The following ATP1A3 variants were observed in gnomAD, a reference collection of about 807,000 sequenced individuals.
The protein encoded by ATP1A3 is ATPase Na+/K+ transporting subunit alpha 3, also known as sodium/potassium-transporting ATPase subunit alpha-3.
A neutral mutation model predicts 108.8 loss-of-function variants in ATP1A3; 12 were observed. The observed-to-expected ratio is 0.11, with a 90% CI of 0.07 to 0.18. ATP1A3 has a LOEUF of 0.18. Ranked by LOEUF, ATP1A3 falls within the 10% of genes least tolerant of loss-of-function variation. The pLI is 1.00. For synonymous variants in ATP1A3, 539 were observed against 564.5 expected (o/e 0.95, Z 0.64); for missense variants, 498 against 1,387.7 (o/e 0.36, Z 10.19).
Position 41,968,133 on chromosome 19 carries a change from GCCAGGGGCA to G in ATP1A3, c.2820-379_2820-371del, listed in dbSNP as rs2075065242. ...AGAGGCACTGGTATAAAAAGAAAAG[GCCAGGGGCA>G]CCTCCACCACACACACAGAGGCTGA... On this transcript the variant is annotated intron_variant, in intron 20 of 22. Coordinates refer to ENST00000648268, the MANE Select transcript of ATP1A3 (RefSeq NM_152296.5). This position sits in a 1 kb window ranked among gnomAD's most constrained non-coding sequence, Gnocchi z 5.0. 6.6e-6 allele frequency among the ~76,000 whole-genome samples: 1 copy of G among 151,948 alleles called. No individual in the cohort carries two copies. The highest frequency in any genetic ancestry group is 6.6e-5 in the Admixed American group (1 of 15,230).
chr19:41,989,123 A>G (rs2075312798), intron 1 of ATP1A3, among the ~76,000 whole-genome samples: 1 of 148,326 alleles, frequency 6.7e-6, no homozygotes, highest in Non-Finnish European at 1.5e-5. Flanking sequence ...ATTTTTTTCT[A>G]GAAATGGGGT....
intron 8 of ATP1A3, among the ~76,000 whole-genome samples, chr19:41,983,357 C>T (rs368186122): frequency 6.6e-6 from 1 of 152,074 alleles, no homozygotes; most frequent in East Asian, 1.9e-4. Context: ...GGATTACAGG[C>T]GTGAGCCACC....
rs606231440 is a variant in ATP1A3 at position 41,970,299 on chromosome 19, T to C, written c.2428A>G (p.Ile810Val). 1.2e-6 allele frequency: 2 copies of C among 1,613,936 alleles called. No homozygotes were observed. Among genetic ancestry groups the C allele is most frequent in the Non-Finnish European group, 1.7e-6 (2 of 1,180,012 alleles). The change falls in exon 18 of 23, where the codon ATC becomes GTC. Residue 810 changes from isoleucine to valine, a missense_variant. Ile to Val is a conservative substitution (Grantham distance 29, BLOSUM62 3). Transcript: ENST00000648268. ...IDLGTDMVPA[I>V]SLAYEAAESD... ...TCGGCAGCCTCGTACGCCAGTGAGA[T>C]GGCAGGGACCTAGGCGGAGGAGGCC...
At chr19:41,986,072 A>T (rs1253793461) in intron 5 of ATP1A3, 44 bp downstream of exon 5, 34 of 1,614,074 alleles carry the variant, frequency 2.1e-5, no homozygotes, top group Non-Finnish European at 2.8e-5. Context: ...CCCCCAGCCC[A>T]TACACTAACA....
intron 1 of ATP1A3, chr19:41,993,320 A>G: frequency 6.9e-7 from 1 of 1,439,704 alleles, no homozygotes; most frequent in Non-Finnish European, 9.4e-7. Flanking sequence ...AGGCAAGGAC[A>G]CAGCCAGGCA....
chr19:41,991,002 G>T (rs1555867129), intron 1 of ATP1A3: 1 of 152,388 alleles, frequency 6.6e-6, no homozygotes. Flanking sequence ...CAGGTTCCTG[G>T]AGGACAGAGC....
At chr19:41,982,253 C>T in intron 8 of ATP1A3, 147 bp from the exon 9 acceptor site, 1 of 1,335,010 alleles carries the variant, frequency 7.5e-7, no homozygotes, top group Non-Finnish European at 1.1e-6. Flanking sequence ...AGCAATGCCA[C>T]CCCCAATTCA....
intron 1 of ATP1A3, among the ~76,000 whole-genome samples, chr19:41,990,082 T>C (rs1310953835): frequency 2.0e-5 from 3 of 152,198 alleles, no homozygotes; most frequent in Non-Finnish European, 2.9e-5. Flanking sequence ...TCTGTCTTTT[T>C]CCGTCTTTCG....
Position 41,981,692 on chromosome 19 carries a change from G to C in ATP1A3, c.1302+30C>G. ...ACAGCTGAGGGGAGGACACAGGCAG[G>C]GCCGAGGTGAGGCCAGTAGCTGAAC... On this transcript the variant is annotated intron_variant, in intron 10 of 22. Transcript: ENST00000648268. This position sits in a 1 kb window ranked among gnomAD's most constrained non-coding sequence, Gnocchi z 5.0. 6.2e-7 allele frequency: 1 copy of C among 1,614,154 alleles called. No individual in the cohort carries two copies. The highest frequency in any genetic ancestry group is 8.5e-7 in the Non-Finnish European group (1 of 1,180,010).
At chr19:41,976,204 G>A (rs1407605511) in intron 15 of ATP1A3, among the ~76,000 whole-genome samples, 3 of 89,694 alleles carry the variant, frequency 3.3e-5, no homozygotes, top group Non-Finnish European at 6.4e-5. Context: ...ATACCCAGAA[G>A]TCCAGGCCCC....
intron 1 of ATP1A3, among the ~76,000 whole-genome samples, chr19:41,991,722 A>G (rs2075340284): frequency 6.6e-6 from 1 of 151,834 alleles, no homozygotes; most frequent in Non-Finnish European, 1.5e-5. Flanking sequence ...AGATACTGAG[A>G]GAGGCTGGGG....
chr19:41,966,900 G>A lies in ATP1A3; in HGVS notation c.*37C>T. 3 of 1,551,322 alleles carry A rather than the reference G, an allele frequency of 1.9e-6. No homozygotes were observed. Among genetic ancestry groups the A allele is most frequent in the South Asian group, 2.4e-5 (2 of 84,062 alleles). Reference sequence around the variant, plus strand: ...TGACAGGGGCGGTCCTGGGCCTGGGGGACGGGGAAGAGATGGGCGATGTGG... The same window carrying A: ...TGACAGGGGCGGTCCTGGGCCTGGGAGACGGGGAAGAGATGGGCGATGTGG... On this transcript the variant is annotated 3_prime_UTR_variant, in exon 23 of 23. Transcript: ENST00000648268.
At position 41,967,762 on chromosome 19, in the gene ATP1A3, T is replaced by A. The variant is rs1555858959; in HGVS notation, c.2821A>T (p.Asn941Tyr). The change falls in exon 21 of 23, where the codon AAC becomes TAC. Residue 941 changes from asparagine (N) to tyrosine (Y), a missense_variant and splice_region_variant. This residue lies in a region of ATP1A3 where 121 missense variants were observed against 425.1 expected (regional missense o/e 0.28). Transcript: ENST00000648268. The surrounding 1 kb of genome is among the most constrained non-coding windows in gnomAD (Gnocchi z 4.2). ...RNSVFQQGMK[N>Y]KILIFGLFEE... ...AACAGCCCGAAGATCAGGATCTTGT[T>A]CCTGGAGGCACAGAAGGGCAGGGCT... 6.2e-7 allele frequency: 1 copy of A among 1,613,592 alleles called. No individual in the cohort carries two copies. The highest frequency in any genetic ancestry group is 8.5e-7 in the Non-Finnish European group (1 of 1,179,862).
In ATP1A3 at chr19:41,985,535, C is replaced by A. The variant is rs1427613039; in HGVS notation, c.607-112G>T. 9.8e-6 allele frequency: 11 copies of A among 1,123,112 alleles called. No individual in the cohort carries two copies. The highest frequency in any genetic ancestry group is 1.3e-5 in the Non-Finnish European group (10 of 746,974). 69.6% of individuals were successfully genotyped at this position (1,123,112 alleles called of 1,614,324 possible). ...TGTGCCTGGAGATCACAGCTAGAAGCCTGGGTGCCCAGTGGGTGAGTGGTG... is the reference window on the plus strand; with the variant it reads ...TGTGCCTGGAGATCACAGCTAGAAGACTGGGTGCCCAGTGGGTGAGTGGTG... On this transcript the variant is annotated intron_variant, in intron 6 of 22. Transcript: ENST00000648268. The surrounding 1 kb of genome is among the most constrained non-coding windows in gnomAD (Gnocchi z 8.2).
At position 41,994,205 on chromosome 19, in the gene ATP1A3, T is replaced by C; in HGVS notation, c.-129A>G. 1 of 867,818 alleles carries C rather than the reference T, an allele frequency of 1.2e-6. No homozygotes were observed. Among genetic ancestry groups the C allele is most frequent in the Admixed American group, 3.9e-5 (1 of 25,696 alleles). 53.8% of individuals were successfully genotyped at this position (867,818 alleles called of 1,614,324 possible). A position where few individuals can be genotyped will look rare whatever the true frequency, so the allele number is the denominator to read the frequency against. On this transcript the variant is annotated 5_prime_UTR_variant, in exon 1 of 23. Transcript: ENST00000648268. ...GTAGGTGCGCGCGTCCGTCCGTCCG[T>C]CCGTTGGTCCCACCGCACAGAGGCT... is the stretch of plus-strand genomic sequence containing the variant.
At position 41,985,273 on chromosome 19, in the gene ATP1A3, C is replaced by A; in HGVS notation, c.724+33G>T. The A allele has an allele frequency of 2.5e-6, 4 of 1,613,856 alleles. No homozygotes were observed. Among genetic ancestry groups the A allele is most frequent in the Non-Finnish European group, 3.4e-6 (4 of 1,179,760 alleles). ...CCCTGGGACACATCCCTGTGTCTGC[C>A]CCAGCTGTGTGTCTTCTCTGCACCC... On this transcript the variant is annotated intron_variant, in intron 7 of 22. Transcript: ENST00000648268. The surrounding 1 kb of genome is among the most constrained non-coding windows in gnomAD (Gnocchi z 8.2).
At chr19:41,969,289 C>T (rs2075076715) in intron 19 of ATP1A3, 146 bp downstream of exon 19, 2 of 1,393,568 alleles carry the variant, frequency 1.4e-6, no homozygotes, top group Non-Finnish European at 2.0e-6. Flanking sequence ...CCAAGGGCAT[C>T]CAGGAAGCCC....
At chr19:41,971,970 C>G (rs1276593999) in intron 16 of ATP1A3, among the ~76,000 whole-genome samples, 1 of 152,122 alleles carries the variant, frequency 6.6e-6, no homozygotes, top group Non-Finnish European at 1.5e-5. Flanking sequence ...TTAATCCAGG[C>G]CAGGCGCTGG....
rs2075079411 is a variant in ATP1A3, at chr19:41,969,503, C to G, written c.2620G>C (p.Val874Leu). 1 of 1,614,026 alleles carries G rather than the reference C, an allele frequency of 6.2e-7. No individual in the cohort carries two copies. Among genetic ancestry groups the G allele is most frequent in the African/African-American group, 1.3e-5 (1 of 74,916 alleles). The change falls in exon 19 of 23, where the codon GTG (valine) becomes CTG (leucine). Residue 874 changes from valine to leucine, a missense_variant. This residue lies in a region of ATP1A3 where 121 missense variants were observed against 425.1 expected (regional missense o/e 0.28). Transcript: ENST00000648268. ...TCATCCCAGTTCAGCCGGATGCCCA[C>G]CAGGTTGCCGGGCAAGAAGCCATTT... ...AENGFLPGNL[V>L]GIRLNWDDRT...
Sources: gnomAD v4.1 joint callset for allele counts (sites outside exome capture counted in the v4.1 genomes callset) on GRCh38, gnomAD v4.1.1 for gene constraint, gnomAD v4.1.1 regional missense constraint, Gnocchi (gnomAD v3.1) non-coding constraint, MANE v1.5 for transcripts, NCBI Gene and HGNC (gene_info 2026-07-23, HGNC 2026-07-21) for gene names.